Variants in ST3GAL6 observed in about 807,000 individuals in gnomAD.
ST3GAL6 encodes the protein type 2 lactosamine alpha-2,3-sialyltransferase.
In ST3GAL6, 31 loss-of-function variants were observed where a neutral mutation model predicts 40.5. That is an observed-to-expected ratio of 0.77 (90% CI 0.58 to 1.03). ST3GAL6 has a LOEUF of 1.03. Among genes scored for constraint, ST3GAL6 ranks in the 50% least tolerant of loss-of-function variants. ST3GAL6 has a pLI of 0.00. For synonymous variants in ST3GAL6, 129 were observed against 136.9 expected, an observed-to-expected ratio of 0.94 and a Z score of 0.40; for missense variants, 357 against 393.2, an observed-to-expected ratio of 0.91 and a Z score of 0.78.
intron 1 of ST3GAL6, among the ~76,000 whole-genome samples, chr3:98,739,126 C>T (rs778797466): frequency 1.3e-5 from 2 of 152,102 alleles, no homozygotes; most frequent in Non-Finnish European, 2.9e-5. Flanking sequence ...GAAATTAAGG[C>T]AGAAATCAGT....
At position 98,795,098 on chromosome 3, in the gene ST3GAL6, T is replaced by A. The variant is rs1004865937; in HGVS notation, c.*1337T>A. ...GTCTTCCTTCCTATATTTTAATAAA[T>A]GTAACCAAAGGCCATCTGGAGGTAG... On this transcript the variant is annotated 3_prime_UTR_variant, in exon 10 of 10. Transcript: ENST00000483910. 17 of 152,140 alleles carry A rather than the reference T, an allele frequency of 1.1e-4. No homozygotes were observed. Among genetic ancestry groups the A allele is most frequent in the African/African-American group, 4.1e-4 (17 of 41,394 alleles). 9.4% of individuals were successfully genotyped at this position (152,140 alleles called of 1,614,324 possible).
At chr3:98,771,472 A>G (rs1938980706) in intron 3 of ST3GAL6, among the ~76,000 whole-genome samples, 1 of 152,172 alleles carries the variant, frequency 6.6e-6, no homozygotes, top group Admixed American at 6.5e-5. Flanking sequence ...CTATTCACAT[A>G]TGTTCTTTTC....
intron 5 of ST3GAL6, among the ~76,000 whole-genome samples, chr3:98,775,102 A>G (rs914563902): frequency 4.6e-5 from 7 of 152,142 alleles, no homozygotes; most frequent in African/African-American, 1.7e-4. Context: ...CTAGGCACAC[A>G]GTTTGTTACA....
chr3:98,784,569 T>C (rs1576122659), intron 5 of ST3GAL6: 1 of 193,718 alleles, frequency 5.2e-6, no homozygotes, highest in East Asian at 1.3e-4. Flanking sequence ...CAGTCTCAAG[T>C]TCTGGATCCA....
chr3:98,776,291 T>A (rs191258884), intron 5 of ST3GAL6, among the ~76,000 whole-genome samples: 16 of 152,350 alleles, frequency 1.1e-4, no homozygotes, highest in African/African-American at 3.8e-4. Flanking sequence ...CAGAATGGAC[T>A]GAATTGCCTG....
intron 1 of ST3GAL6, among the ~76,000 whole-genome samples, chr3:98,766,407 T>C (rs1270448611): frequency 4.9e-4 from 13 of 26,584 alleles, no homozygotes; most frequent in African/African-American, 1.5e-3. Context: ...ATGTCATTCT[T>C]TTTTTTTTTT....
intron 1 of ST3GAL6, among the ~76,000 whole-genome samples, chr3:98,741,337 T>A (rs922111233): frequency 6.6e-6 from 1 of 151,946 alleles, no homozygotes; most frequent in Non-Finnish European, 1.5e-5. Flanking sequence ...AGGGTAGAGA[T>A]AGAAAGGGAA....
intron 5 of ST3GAL6, among the ~76,000 whole-genome samples, chr3:98,778,395 A>G (rs974134349): frequency 1.3e-5 from 2 of 152,242 alleles, no homozygotes; most frequent in African/African-American, 2.4e-5. Flanking sequence ...TCCTAACTCT[A>G]AACGGAATAT....
intron 1 of ST3GAL6, among the ~76,000 whole-genome samples, chr3:98,752,525 G>T (rs113951683): frequency 2.0e-5 from 3 of 151,486 alleles, no homozygotes; most frequent in Admixed American, 6.6e-5. Context: ...AGGCTGGAGC[G>T]CAGTGACGCC....
At chr3:98,780,590 T>A (rs1940002417) in intron 5 of ST3GAL6, among the ~76,000 whole-genome samples, 1 of 152,052 alleles carries the variant, frequency 6.6e-6, no homozygotes, top group African/African-American at 2.4e-5. Context: ...TTTTTAAAAG[T>A]CCTTGAACTG....
In ST3GAL6 at chr3:98,741,028, A is replaced by G. The variant is rs77815882; in HGVS notation, c.-12+8496A>G. Among the ~76,000 whole-genome samples the G allele has an allele frequency of 9.4e-5, 14 of 149,150 alleles. No individual in the cohort carries two copies. In the East Asian group the frequency reaches 2.8e-3, roughly 30 times the overall value. ...GTACTCTGCTATTATAAAGGGATCCATGGGCATATAGTAGAGGGATTCAGT... is the reference window on the plus strand; with the variant it reads ...GTACTCTGCTATTATAAAGGGATCCGTGGGCATATAGTAGAGGGATTCAGT... On this transcript the variant is annotated intron_variant, in intron 1 of 9. Coordinates refer to the ST3GAL6 transcript ENST00000265261.
upstream of ST3GAL6, among the ~76,000 whole-genome samples, chr3:98,759,707 A>G (rs945706730): frequency 2.0e-5 from 3 of 152,088 alleles, no homozygotes; most frequent in Admixed American, 2.0e-4. Flanking sequence ...CGGTCTTCCC[A>G]GCTCTAAGAT....
At chr3:98,776,598 T>C (rs146172342) in intron 5 of ST3GAL6, among the ~76,000 whole-genome samples, 61 of 152,308 alleles carry the variant, frequency 4.0e-4, no homozygotes, top group Non-Finnish European at 7.9e-4. Flanking sequence ...TACTTTCAAG[T>C]TACTTTCCTC....
At chr3:98,743,596 A>G (rs1260826384) in intron 1 of ST3GAL6, among the ~76,000 whole-genome samples, 1 of 152,174 alleles carries the variant, frequency 6.6e-6, no homozygotes, top group Non-Finnish European at 1.5e-5. Context: ...GAGTGCACAA[A>G]GCATATAAGT....
chr3:98,748,430 G>A (rs1378576681), intron 1 of ST3GAL6, among the ~76,000 whole-genome samples: 1 of 151,910 alleles, frequency 6.6e-6, no homozygotes, highest in African/African-American at 2.4e-5. Flanking sequence ...TAGTAAGTGT[G>A]CAAAAAAGAT....
At chr3:98,770,290 C>T (rs1938830596) in intron 2 of ST3GAL6, 1 of 152,276 alleles carries the variant, frequency 6.6e-6, no homozygotes, top group South Asian at 2.1e-4. Flanking sequence ...TTTCACAATA[C>T]CCTTTTAAAT....
chr3:98,753,811 G>A (rs571986753), intron 1 of ST3GAL6, among the ~76,000 whole-genome samples: 4 of 152,258 alleles, frequency 2.6e-5, no homozygotes, highest in African/African-American at 7.2e-5. Context: ...AAAAATAATT[G>A]TCCTAAATCT....
chr3:98,783,658 G>C (rs1166408868), intron 5 of ST3GAL6: 1 of 985,240 alleles, frequency 1.0e-6, no homozygotes, highest in Non-Finnish European at 1.2e-6. Flanking sequence ...GTGTCCACAA[G>C]GCGAGGTTTC....
At chr3:98,779,735 AT>A (rs2107267269) in intron 5 of ST3GAL6, among the ~76,000 whole-genome samples, 1 of 152,322 alleles carries the variant, frequency 6.6e-6, no homozygotes, top group South Asian at 2.1e-4. Context: ...TTCCAAAACA[AT>A]TATTTTGTTT....
Sources: gnomAD v4.1 joint callset for allele counts (sites outside exome capture counted in the v4.1 genomes callset) on GRCh38, gnomAD v4.1.1 for gene constraint, MANE v1.5 for transcripts, NCBI Gene and HGNC (gene_info 2026-07-23, HGNC 2026-07-21) for gene names.